The following AXDND1 variants were observed in gnomAD, a reference collection of about 807,000 sequenced individuals.
AXDND1 encodes the protein axonemal dynein light chain domain-containing protein 1.
Under a neutral mutation model 137.5 loss-of-function variants are expected in AXDND1, and 110 were observed. The observed-to-expected ratio is 0.80, with a 90% CI of 0.69 to 0.94. The LOEUF (loss-of-function observed/expected upper bound fraction) is 0.94. AXDND1 is among the 40% of genes least tolerant of loss of function. AXDND1 has a pLI of 0.00. For synonymous variants in AXDND1, 414 were observed against 399.7 expected, an observed-to-expected ratio of 1.04 and a Z score of -0.43; for missense variants, 1,191 against 1,169.8, an observed-to-expected ratio of 1.02 and a Z score of -0.26.
intron 12 of AXDND1, among the ~76,000 whole-genome samples, chr1:179,427,961 A>C (rs1467387185): frequency 1.3e-5 from 2 of 152,100 alleles, no homozygotes; most frequent in Admixed American, 6.6e-5. Context: ...TGTAAAAAAA[A>C]AAAAAAAAAG....
chr1:179,382,446 C>A (rs1284772195), intron 6 of AXDND1, among the ~76,000 whole-genome samples: 6 of 152,156 alleles, frequency 3.9e-5, no homozygotes, highest in Non-Finnish European at 7.3e-5. Context: ...TTTGAGCTTT[C>A]TCTTGTGTTC....
chr1:179,430,592 GCAGGAGTTCTT>G lies in AXDND1; in HGVS notation c.1476_1486del (p.Glu493Ter). 6.2e-7 allele frequency: 1 copy of G among 1,609,880 alleles called. No individual in the cohort carries two copies. The highest frequency in any genetic ancestry group is 8.5e-7 in the Non-Finnish European group (1 of 1,178,860). ...TTGTTAAGGATGGGCTTATCAAATG[GCAGGAGTTCTT>G]CAAGTGAGTCACCAAGAATCTTGTT... On this transcript the variant is annotated frameshift_variant, in exon 14 of 26. Coordinates refer to ENST00000367618, the MANE Select transcript of AXDND1 (RefSeq NM_144696.6). LOFTEE classifies it high-confidence loss of function.
intron 25 of AXDND1, among the ~76,000 whole-genome samples, chr1:179,550,301 A>C (rs1039808435): frequency 6.6e-6 from 1 of 152,220 alleles, no homozygotes; most frequent in Non-Finnish European, 1.5e-5. Flanking sequence ...ACTTAGAGAA[A>C]TGTATCTATA....
intron 8 of AXDND1, among the ~76,000 whole-genome samples, chr1:179,384,736 C>T (rs1648926280): frequency 1.3e-5 from 2 of 151,228 alleles, no homozygotes; most frequent in Non-Finnish European, 1.5e-5. Flanking sequence ...GATATTGTGA[C>T]CTTTTCAGTG....
At chr1:179,405,628 A>G (rs1022854337) in intron 11 of AXDND1, among the ~76,000 whole-genome samples, 47 of 152,082 alleles carry the variant, frequency 3.1e-4, no homozygotes, top group Non-Finnish European at 1.5e-4. Context: ...GTTCAGGAGT[A>G]TATCTAGTTT....
rs1349039799 is a variant in AXDND1 at position 179,427,196 on chromosome 1, A to C, written c.1231-2322A>C. Among the ~76,000 whole-genome samples the C allele has an allele frequency of 2.6e-5, 4 of 152,110 alleles. No homozygotes were observed. The East Asian group carries it at 5.8e-4, about 22-fold the overall frequency. On this transcript the variant is annotated intron_variant, in intron 12 of 25. Coordinates refer to ENST00000367618, the MANE Select transcript of AXDND1 (RefSeq NM_144696.6). ...AAACAAGAACAAAAACAAACAAAAA[A>C]AAACTATATATAGTTTAGTTTATAT...
In AXDND1 at chr1:179,534,962, G is replaced by A. The variant is rs1312551166; in HGVS notation, c.3031G>A (p.Gly1011Ser). 1.2e-6 allele frequency: 2 copies of A among 1,605,576 alleles called. No individual in the cohort carries two copies. Reference protein sequence around the residue: ...AENSSKSPKKGH With the variant: ...AENSSKSPKKSH Reference sequence around the variant, plus strand: ...AAATTCCTCAAAATCTCCAAAGAAAGGTAAGGATTGCTTCGTATTTTGCTT... The same window carrying A: ...AAATTCCTCAAAATCTCCAAAGAAAAGTAAGGATTGCTTCGTATTTTGCTT... The change falls in exon 25 of 26, where the codon GGT becomes AGT. Residue 1011 changes from glycine to serine, a missense_variant and splice_region_variant. Coordinates refer to ENST00000367618, the MANE Select transcript of AXDND1 (RefSeq NM_144696.6).
At chr1:179,486,119 C>CAAAAAAAAAAAAAAAAA (rs1173009992) in intron 18 of AXDND1, among the ~76,000 whole-genome samples, 3 of 22,662 alleles carry the variant, frequency 1.3e-4, no homozygotes, top group Non-Finnish European at 2.9e-4. Context: ...AACTCTGTCT[C>CAAAAAAAAAAAAAAAAA]AAAAAAAAAA....
At chr1:179,396,176 GAAAAAAAA>G (rs71111985) in intron 11 of AXDND1, among the ~76,000 whole-genome samples, 1 of 106,012 alleles carries the variant, frequency 9.4e-6, no homozygotes, top group Non-Finnish European at 2.0e-5. Context: ...CCCATAAAAA[GAAAAAAAA>G]AAAAAAAGAA....
At chr1:179,492,000 A>G (rs935031380) in intron 19 of AXDND1, among the ~76,000 whole-genome samples, 1 of 152,156 alleles carries the variant, frequency 6.6e-6, no homozygotes, top group African/African-American at 2.4e-5. Context: ...TTCTTGCATA[A>G]ATAAGACACA....
chr1:179,425,219 A>G (rs1656375375), intron 12 of AXDND1, among the ~76,000 whole-genome samples: 1 of 152,198 alleles, frequency 6.6e-6, no homozygotes, highest in Non-Finnish European at 1.5e-5. Flanking sequence ...CCTCCTTTTC[A>G]GCACTACATG....
Position 179,517,471 on chromosome 1 carries a change from C to T in AXDND1, c.2497-7863C>T, listed in dbSNP as rs35108220. 2.2e-3 allele frequency among the ~76,000 whole-genome samples: 330 copies of T among 152,344 alleles called. 1 individual carries two copies. Among genetic ancestry groups the T allele is most frequent in the Non-Finnish European group, 4.0e-3 (271 of 68,034 alleles). On this transcript the variant is annotated intron_variant, in intron 21 of 25. Transcript: ENST00000367618. ...CTCCCCTGAGTTCTAGCGGGAGGCACCTCGCCCGATTCAAATTGTTACAAA... is the reference window on the plus strand; with the variant it reads ...CTCCCCTGAGTTCTAGCGGGAGGCATCTCGCCCGATTCAAATTGTTACAAA...
intron 11 of AXDND1, among the ~76,000 whole-genome samples, chr1:179,400,845 C>G (rs1245322798): frequency 8.0e-6 from 1 of 124,732 alleles, no homozygotes; most frequent in African/African-American, 3.1e-5. Context: ...GCAGAGTTTG[C>G]AGTGAGCCGA....
At chr1:179,445,475 TG>T (rs1659603139) in intron 16 of AXDND1, among the ~76,000 whole-genome samples, 2 of 152,086 alleles carry the variant, frequency 1.3e-5, no homozygotes, top group African/African-American at 4.8e-5. Context: ...TTCATCAAAA[TG>T]AACCTCAAAA....
intron 20 of AXDND1, among the ~76,000 whole-genome samples, chr1:179,502,667 A>ATTTG (rs1668124636): frequency 6.6e-6 from 1 of 151,808 alleles, no homozygotes; most frequent in Non-Finnish European, 1.5e-5. Context: ...AAGAATATAA[A>ATTTG]TTTGTACATC....
chr1:179,480,254 G>C (rs6681518), intron 17 of AXDND1, among the ~76,000 whole-genome samples: 83,566 of 152,064 alleles, frequency 0.55, 23,270 homozygotes, highest in East Asian at 0.76. Flanking sequence ...AATTGACTCA[G>C]AGTTCCACAT....
intron 25 of AXDND1, chr1:179,548,818 G>A (rs1240556632): frequency 6.6e-6 from 1 of 152,162 alleles, no homozygotes; most frequent in Non-Finnish European, 1.5e-5. Flanking sequence ...GAGCCATGGT[G>A]GCCCTTGAAT....
In AXDND1 at chr1:179,434,163, A is replaced by G. The variant is rs12046831; in HGVS notation, c.1563+1821A>G. ...TTTAAGGTCTATTTTGTCAGAGACT[A>G]GTGTTGCAACCCCTGCTTTTTTTGC... On this transcript the variant is annotated intron_variant, in intron 15 of 25. Transcript: ENST00000367618. 2.8e-4 allele frequency among the ~76,000 whole-genome samples: 42 copies of G among 152,266 alleles called. 2 individuals carry two copies. The East Asian group carries it at 4.6e-3, about 17-fold the overall frequency.
chr1:179,406,166 C>A (rs1040380472), intron 11 of AXDND1, among the ~76,000 whole-genome samples: 4 of 139,450 alleles, frequency 2.9e-5, no homozygotes, highest in African/African-American at 1.1e-4. Context: ...GTACAGTTTC[C>A]AAAGTTTCTC....
Sources: gnomAD v4.1 joint callset for allele counts (sites outside exome capture counted in the v4.1 genomes callset) on GRCh38, gnomAD v4.1.1 for gene constraint, MANE v1.5 for transcripts, NCBI Gene and HGNC (gene_info 2026-07-23, HGNC 2026-07-21) for gene names.